Variants in MACC1 observed in about 807,000 individuals in gnomAD.
MACC1 encodes the protein metastasis-associated in colon cancer protein 1.
Under a neutral mutation model 70.7 loss-of-function variants are expected in MACC1, and 79 were observed. The observed-to-expected ratio is 1.12, with a 90% confidence interval of 0.93 to 1.35. The LOEUF is 1.35. MACC1 is among the 40% of genes most tolerant of loss of function. MACC1 has a pLI of 0.00. For missense variants in MACC1, 1,106 were observed against 978.1 expected (o/e 1.13, Z -1.74); for synonymous variants, 361 against 347.2 (o/e 1.04, Z -0.44).
intron 3 of MACC1, among the ~76,000 whole-genome samples, chr7:20,163,747 G>A (rs75196762): frequency 1.3e-5 from 2 of 152,208 alleles, no homozygotes; most frequent in East Asian, 3.9e-4. Flanking sequence ...GCAATAGAAC[G>A]TAACTAAACC....
At chr7:20,191,323 G>A (rs1333682463) in intron 1 of MACC1, among the ~76,000 whole-genome samples, 1 of 152,216 alleles carries the variant, frequency 6.6e-6, no homozygotes, top group South Asian at 2.1e-4. Flanking sequence ...AGGTGTCTCA[G>A]GAGGTCCTGG....
intron 1 of MACC1, among the ~76,000 whole-genome samples, chr7:20,183,587 G>A (rs768941522): frequency 6.6e-6 from 1 of 152,122 alleles, no homozygotes; most frequent in Non-Finnish European, 1.5e-5. Context: ...GCAACAAGAT[G>A]CTTTAACATT....
In MACC1 at chr7:20,159,330, A is replaced by G. The variant is rs150971769; in HGVS notation, c.1031T>C (p.Met344Thr). Reference sequence around the variant, plus strand: ...AGCTTGTGCAGCAACCACTAGATACATTACCTGACTCAAGTCGATTAGCTT... The same window carrying G: ...AGCTTGTGCAGCAACCACTAGATACGTTACCTGACTCAAGTCGATTAGCTT... ...QVKLIDLSQV[M>T]YLVVAAQAKA... The change falls in exon 5 of 7, where the codon ATG (methionine) becomes ACG (threonine). Residue 344 changes from methionine (M) to threonine (T), a missense_variant. Met to Thr is a moderately conservative substitution (Grantham distance 81). Transcript: ENST00000400331. 8.8e-4 allele frequency: 1,417 copies of G among 1,614,098 alleles called. 24 individuals are homozygous for G. In the East Asian group the frequency reaches 0.027, roughly 31 times the overall value.
At chr7:20,141,184 G>A (rs778256506) in intron 6 of MACC1, 26 bp from the exon 7 acceptor site, 9 of 1,480,886 alleles carry the variant, frequency 6.1e-6, no homozygotes, top group Non-Finnish European at 7.3e-6. Flanking sequence ...ATAGATTGGA[G>A]TAGTGTGGAA....
chr7:20,180,624 C>A (rs1782489045), intron 1 of MACC1, among the ~76,000 whole-genome samples: 1 of 152,024 alleles, frequency 6.6e-6, no homozygotes, highest in South Asian at 2.1e-4. Context: ...GTGGGTGGAT[C>A]ACTTGAGGTC....
intron 5 of MACC1, among the ~76,000 whole-genome samples, chr7:20,154,589 G>A (rs1406577005): frequency 3.3e-5 from 5 of 152,074 alleles, no homozygotes; most frequent in African/African-American, 1.2e-4. Context: ...CCAGAGTTAG[G>A]GGAGATTTAG....
chr7:20,195,120 A>G (rs936781787), intron 1 of MACC1, among the ~76,000 whole-genome samples: 5 of 152,028 alleles, frequency 3.3e-5, no homozygotes, highest in East Asian at 3.9e-4. Context: ...AGTATCCCCT[A>G]TGCTTTAAGT....
Position 20,154,264 on chromosome 7 carries a change from G to A in MACC1, c.2275C>T (p.Arg759Ter), listed in dbSNP as rs199623826. The change falls in exon 6 of 7, where the codon CGA becomes TGA. Residue 759 changes from arginine (R) to a stop codon, truncating the protein, a stop_gained. Transcript: ENST00000400331. LOFTEE classifies it high-confidence loss of function. ...GCCTCCATTTGTTGCTTTGTGAGTC[G>A]TACTAACTTTTCAGCTAGTTCCCTC... ...GWRELAEKLVRLTKQQMEAYE... is the reference protein window; with the variant it reads ...GWRELAEKLV The A allele has an allele frequency of 2.5e-5, 40 of 1,613,906 alleles. No homozygotes were observed. Among genetic ancestry groups the A allele is most frequent in the African/African-American group, 4.0e-5 (3 of 75,008 alleles).
intron 6 of MACC1, among the ~76,000 whole-genome samples, chr7:20,145,249 A>C (rs1386346531): frequency 6.6e-6 from 1 of 152,168 alleles, no homozygotes; most frequent in African/African-American, 2.4e-5. Context: ...CAATGTGGGA[A>C]TATAAAGAAA....
rs779262511 is a variant in MACC1, at chr7:20,158,544, A to T, written c.1817T>A (p.Ile606Asn). The T allele has an allele frequency of 6.2e-7, 1 of 1,614,128 alleles. No homozygotes were observed. The highest frequency in any genetic ancestry group is 1.1e-5 in the South Asian group (1 of 91,080). Residue 606 changes from isoleucine to asparagine, a missense_variant, in exon 5 of 7, where the codon ATT (isoleucine) becomes AAT (asparagine). By Grantham distance (149) the Ile-to-Asn change is moderately radical (BLOSUM62 -3). Transcript: ENST00000400331. ...EWYVGVLRGK[I>N]GLVHCKNVKV... ...GACATTTTTGCAGTGTACAAGTCCA[A>T]TCTTACCTCTGAGGACTCCTACATA...
intron 1 of MACC1, among the ~76,000 whole-genome samples, chr7:20,189,748 TAAAC>T (rs1205171640): frequency 2.7e-4 from 30 of 110,936 alleles, no homozygotes; most frequent in African/African-American, 5.5e-4. Context: ...CACAAACACA[TAAAC>T]ACACACACAC....
At position 20,158,281 on chromosome 7, in the gene MACC1, A is replaced by C. The variant is rs1486812571; in HGVS notation, c.2080T>G (p.Ser694Ala). 1 of 1,612,342 alleles carries C rather than the reference A, an allele frequency of 6.2e-7. No individual in the cohort carries two copies. The highest frequency in any genetic ancestry group is 1.3e-5 in the African/African-American group (1 of 74,778). ...TCCTTTAACTTCTTTATAACATAAGAAACTTTCTCTGATTCTTTGTCTGCT... is the reference window on the plus strand; with the variant it reads ...TCCTTTAACTTCTTTATAACATAAGCAACTTTCTCTGATTCTTTGTCTGCT... ...IQADKESEKVSYVIKKLKEDC... is the reference protein window; with the variant it reads ...IQADKESEKVAYVIKKLKEDC... The change falls in exon 5 of 7, where the codon TCT becomes GCT. Residue 694 changes from serine (S) to alanine (A), a missense_variant. Coordinates refer to ENST00000400331, the MANE Select transcript of MACC1 (RefSeq NM_182762.4).
intron 6 of MACC1, among the ~76,000 whole-genome samples, chr7:20,143,409 G>A (rs1209220137): frequency 6.6e-6 from 1 of 152,146 alleles, no homozygotes; most frequent in African/African-American, 2.4e-5. Flanking sequence ...TTGTTTTGGA[G>A]ACGGAGTCTG....
Position 20,161,813 on chromosome 7 carries a change from C to T in MACC1, c.50G>A (p.Ser17Asn), listed in dbSNP as rs780358112. Reference sequence around the variant, plus strand: ...GTCAATCAAATTTGCTTCAGACATACTTTGTGCAATTCTTCCTGACCGAAA... The same window carrying T: ...GTCAATCAAATTTGCTTCAGACATATTTTGTGCAATTCTTCCTGACCGAAA... ...KHFRSGRIAQ[S>N]MSEANLIDME... Residue 17 changes from serine to asparagine, a missense_variant, in exon 4 of 7, where the codon AGT (serine) becomes AAT (asparagine). By Grantham distance (46) the Ser-to-Asn change is conservative (BLOSUM62 1). Coordinates refer to ENST00000400331, the MANE Select transcript of MACC1 (RefSeq NM_182762.4). The T allele has an allele frequency of 3.1e-6, 5 of 1,612,636 alleles. No individual in the cohort carries two copies. In the South Asian group the frequency reaches 3.3e-5, roughly 11 times the overall value.
rs140844304 is a variant in MACC1, at chr7:20,183,558, T to C, written c.-217-12780A>G. On this transcript the variant is annotated intron_variant, in intron 1 of 6. Coordinates refer to ENST00000400331, the MANE Select transcript of MACC1 (RefSeq NM_182762.4). ...TCTAAGTTTAAATGGTAATTTGTTT[T>C]GTAGAAATGGAATCTAATGCAACAA... is the stretch of plus-strand genomic sequence containing the variant. 5.8e-4 allele frequency among the ~76,000 whole-genome samples: 89 copies of C among 152,336 alleles called. No individual in the cohort carries two copies. The East Asian group carries it at 0.015, about 25-fold the overall frequency.
chr7:20,184,234 T>C (rs1470922565), intron 1 of MACC1, among the ~76,000 whole-genome samples: 1 of 152,172 alleles, frequency 6.6e-6, no homozygotes, highest in African/African-American at 2.4e-5. Context: ...CCAAGCAGTG[T>C]CCCGAGACCA....
intron 1 of MACC1, among the ~76,000 whole-genome samples, chr7:20,193,121 T>C (rs1173608797): frequency 6.6e-6 from 1 of 152,184 alleles, no homozygotes; most frequent in Admixed American, 6.5e-5. Context: ...TTCTGGCCCT[T>C]CTCAGTAATC....
At chr7:20,192,610 G>C (rs1782689407) in intron 1 of MACC1, among the ~76,000 whole-genome samples, 1 of 152,136 alleles carries the variant, frequency 6.6e-6, no homozygotes, top group African/African-American at 2.4e-5. Context: ...GAATCACCCA[G>C]AGAATCCCTA....
At chr7:20,203,125 T>C (rs1782856426) in intron 1 of MACC1, among the ~76,000 whole-genome samples, 1 of 152,190 alleles carries the variant, frequency 6.6e-6, no homozygotes, top group Admixed American at 6.5e-5. Context: ...TGGTCACTCT[T>C]AGATTAAAAT....
Sources: gnomAD v4.1 joint callset for allele counts (sites outside exome capture counted in the v4.1 genomes callset) on GRCh38, gnomAD v4.1.1 for gene constraint, MANE v1.5 for transcripts, NCBI Gene and HGNC (gene_info 2026-07-23, HGNC 2026-07-21) for gene names.